CREBZF: variants seen among roughly 807,000 people sequenced by gnomAD.
CREBZF encodes CREB/ATF bZIP transcription factor, also known as HCF-binding transcription factor Zhangfei.
CREBZF carries 8 observed loss-of-function variants against 21.1 expected under a neutral mutation model. That is an observed-to-expected ratio of 0.38 (90% CI 0.22 to 0.68). CREBZF has a LOEUF of 0.68. CREBZF is among the 30% of genes least tolerant of loss of function. CREBZF has a pLI of 0.51. For missense variants in CREBZF, 518 were observed against 484.3 expected, an observed-to-expected ratio of 1.07 and a Z score of -0.65; for synonymous variants, 270 against 223.3, an observed-to-expected ratio of 1.21 and a Z score of -1.86.
chr11:85,671,109 T>TGGGGAGGCTTCACAATCATGG (rs1456140826), intron 1 of CREBZF, among the ~76,000 whole-genome samples: 1 of 152,146 alleles, frequency 6.6e-6, no homozygotes, highest in Non-Finnish European at 1.5e-5. Context: ...TCCACATGGC[T>TGGGGAGGCTTCACAATCATGG]GGGGAGGCTT....
At chr11:85,671,331 C>T (rs1010244867) in intron 1 of CREBZF, among the ~76,000 whole-genome samples, 1 of 152,232 alleles carries the variant, frequency 6.6e-6, no homozygotes, top group African/African-American at 2.4e-5. Context: ...ATGGGAGCTA[C>T]AGTTCAAGAT....
Position 85,664,403 on chromosome 11 carries a change from C to T in CREBZF, c.473G>A (p.Arg158His). Residue 158 changes from arginine to histidine, a missense_variant, in exon 1 of 1, where the codon CGC becomes CAC. Arg to His is a conservative substitution (Grantham distance 29). Coordinates refer to ENST00000527447, the MANE Select transcript of CREBZF (RefSeq NM_001039618.4). This position sits in a 1 kb window ranked among gnomAD's most constrained non-coding sequence, Gnocchi z 5.5. Reference protein sequence around the residue: ...DDEAAAAEMQRFSDLLQRLLN... With the variant: ...DDEAAAAEMQHFSDLLQRLLN... ...CAGCCTTTGCAGCAGGTCAGAGAAG[C>T]GCTGCATTTCAGCAGCCGCGGCCTC... The T allele has an allele frequency of 1.2e-6, 2 of 1,613,796 alleles. No individual in the cohort carries two copies. The highest frequency in any genetic ancestry group is 1.7e-6 in the Non-Finnish European group (2 of 1,180,020).
At chr11:85,669,001 CAAAAAAAAAAAAAAAAAAAAAAAAA>C (rs61718728), upstream of CREBZF, among the ~76,000 whole-genome samples, 6 of 33,216 alleles carry the variant, frequency 1.8e-4, no homozygotes, top group Middle Eastern at 0.077. Flanking sequence ...GACTCCGTCT[CAAAAAAAAAAAAAAAAAAAAAAAAA>C]AAAAAAAAAA....
chr11:85,669,583 G>C (rs1179190709), upstream of CREBZF, among the ~76,000 whole-genome samples: 1 of 152,126 alleles, frequency 6.6e-6, no homozygotes, highest in Non-Finnish European at 1.5e-5. Flanking sequence ...GCTATACAGA[G>C]ATTTGTTAAA....
At chr11:85,667,434 A>T (rs1276172747), upstream of CREBZF, among the ~76,000 whole-genome samples, 1 of 152,232 alleles carries the variant, frequency 6.6e-6, no homozygotes, top group Non-Finnish European at 1.5e-5. Context: ...ATTGACATCT[A>T]ATGCGAATAG....
chr11:85,679,240 C>G (rs763148294), intron 1 of CREBZF, among the ~76,000 whole-genome samples: 1 of 152,176 alleles, frequency 6.6e-6, no homozygotes, highest in Non-Finnish European at 1.5e-5. Context: ...CCAGGAAAAG[C>G]GTCCTCTAAT....
chr11:85,663,550 C>T lies in CREBZF; in HGVS notation c.*261G>A. ...AGGTTGTGAGGCGGGAACGACTGTT[C>T]TGTAACCCCTACAACGGAGCCTGGC... On this transcript the variant is annotated 3_prime_UTR_variant, in exon 1 of 1. Coordinates refer to ENST00000527447, the MANE Select transcript of CREBZF (RefSeq NM_001039618.4). 7.2e-7 allele frequency: 1 copy of T among 1,388,724 alleles called. No homozygotes were observed. Among genetic ancestry groups the T allele is most frequent in the Non-Finnish European group, 1.0e-6 (1 of 999,352 alleles). The allele number at this position is 1,388,724 out of a possible 1,614,324, so 86.0% of individuals were successfully genotyped here. A position where few individuals can be genotyped will look rare whatever the true frequency, so the allele number is the denominator to read the frequency against.
Position 85,659,658 on chromosome 11 carries a change from A to C in CREBZF, c.*4153T>G, listed in dbSNP as rs2082619134. 1 of 152,126 alleles carries C rather than the reference A, an allele frequency of 6.6e-6. No homozygotes were observed. Among genetic ancestry groups the C allele is most frequent in the Admixed American group, 6.5e-5 (1 of 15,272 alleles). 9.4% of individuals were successfully genotyped at this position (152,126 alleles called of 1,614,324 possible). A position where few individuals can be genotyped will look rare whatever the true frequency, so the allele number is the denominator to read the frequency against. On this transcript the variant is annotated 3_prime_UTR_variant, in exon 1 of 1. Transcript: ENST00000527447. The stretch of plus-strand genomic sequence containing the variant: ...AAAATGACTCAATCTAAACCACGTG[A>C]AGGAATGTATTAACATAATCCAACA...
At chr11:85,679,394 G>A (rs2082961782) in intron 1 of CREBZF, among the ~76,000 whole-genome samples, 1 of 152,176 alleles carries the variant, frequency 6.6e-6, no homozygotes, top group African/African-American at 2.4e-5. Context: ...TTAGCATAGT[G>A]TCTTGGCTAA....
At chr11:85,682,708 G>C (rs2082985090) in intron 1 of CREBZF, 1 of 679,556 alleles carries the variant, frequency 1.5e-6, no homozygotes, top group African/African-American at 1.8e-5. Context: ...GGAATTCCGG[G>C]ATTCATACCC....
rs1013041946 is a variant in CREBZF, at chr11:85,661,872, C to G, written c.*1939G>C. Reference sequence around the variant, plus strand: ...GTATTAGTTAAATTTCAATTCAAGGCTTCTGTTTCAAAAAAGCTACATTTA... The same window carrying G: ...GTATTAGTTAAATTTCAATTCAAGGGTTCTGTTTCAAAAAAGCTACATTTA... On this transcript the variant is annotated 3_prime_UTR_variant, in exon 1 of 1. Transcript: ENST00000527447. 1 of 151,750 alleles carries G rather than the reference C, an allele frequency of 6.6e-6. No individual in the cohort carries two copies. The highest frequency in any genetic ancestry group is 1.5e-5 in the Non-Finnish European group (1 of 67,850). 9.4% of individuals were successfully genotyped at this position (151,750 alleles called of 1,614,324 possible).
rs58550468 is a variant in CREBZF at position 85,661,960 on chromosome 11, T to TTATATATATA, written c.*1841_*1850dup. On this transcript the variant is annotated 3_prime_UTR_variant, in exon 1 of 1. Coordinates refer to ENST00000527447, the MANE Select transcript of CREBZF (RefSeq NM_001039618.4). ...AATAATCTTTCCAACTACTTTTGGT[T>TTATATATATA]TATATATATATATATATATGTATAT... The TTATATATATA allele has an allele frequency of 1.4e-5, 2 of 145,776 alleles. No individual in the cohort carries two copies. Among genetic ancestry groups the TTATATATATA allele is most frequent in the Non-Finnish European group, 3.0e-5 (2 of 66,212 alleles). The allele number at this position is 145,776 out of a possible 1,614,324, so 9.0% of individuals were successfully genotyped here.
At chr11:85,681,974 G>C (rs2082978885) in intron 1 of CREBZF, among the ~76,000 whole-genome samples, 1 of 152,192 alleles carries the variant, frequency 6.6e-6, no homozygotes, top group South Asian at 2.1e-4. Flanking sequence ...TGTATACTGG[G>C]AGAAAGCACG....
intron 1 of CREBZF, among the ~76,000 whole-genome samples, chr11:85,671,794 C>G (rs1417239262): frequency 6.6e-6 from 1 of 152,218 alleles, no homozygotes; most frequent in Non-Finnish European, 1.5e-5. Context: ...TCCAGGCCCC[C>G]TCCTGGCAGC....
rs572663125 is a variant in CREBZF at position 85,660,582 on chromosome 11, T to G, written c.*3229A>C. ...CAGGTTGTAGGAAAAGATTCGTTTT[T>G]GCAGACACTGCTAAGCTGTTCAAAG... is the stretch of plus-strand genomic sequence containing the variant. On this transcript the variant is annotated 3_prime_UTR_variant, in exon 1 of 1. Coordinates refer to ENST00000527447, the MANE Select transcript of CREBZF (RefSeq NM_001039618.4). The G allele has an allele frequency of 2.4e-5, 11 of 455,264 alleles. No homozygotes were observed. Among genetic ancestry groups the G allele is most frequent in the South Asian group, 1.6e-4 (10 of 64,376 alleles). The allele number at this position is 455,264 out of a possible 1,614,324, so 28.2% of individuals were successfully genotyped here.
intron 1 of CREBZF, among the ~76,000 whole-genome samples, chr11:85,678,792 T>C (rs967359418): frequency 2.6e-5 from 4 of 152,234 alleles, no homozygotes; most frequent in African/African-American, 9.6e-5. Flanking sequence ...CACTAAGACC[T>C]AATTTAAGGT....
At chr11:85,681,921 G>A (rs2082978422) in intron 1 of CREBZF, among the ~76,000 whole-genome samples, 1 of 152,144 alleles carries the variant, frequency 6.6e-6, no homozygotes. Flanking sequence ...GGAGCACAGA[G>A]GAAGAAAACA....
chr11:85,663,806 T>A lies in CREBZF; in HGVS notation c.*5A>T. ...AAACGCGGATAAAGAGCAGATTACT[T>A]GACCCTACATTTTAAGAGAAGACGA... is the stretch of plus-strand genomic sequence containing the variant. On this transcript the variant is annotated 3_prime_UTR_variant, in exon 1 of 1. Coordinates refer to ENST00000527447, the MANE Select transcript of CREBZF (RefSeq NM_001039618.4). 1 of 1,593,258 alleles carries A rather than the reference T, an allele frequency of 6.3e-7. No homozygotes were observed.
intron 1 of CREBZF, among the ~76,000 whole-genome samples, chr11:85,676,428 T>C (rs1203661079): frequency 6.6e-6 from 1 of 152,164 alleles, no homozygotes; most frequent in African/African-American, 2.4e-5. Flanking sequence ...TTTTAATTTC[T>C]TAAATACTGA....
Sources: allele counts gnomAD v4.1 joint callset (sites outside exome capture counted in the v4.1 genomes callset), GRCh38; gene constraint gnomAD v4.1.1; non-coding constraint Gnocchi (gnomAD v3.1); transcripts MANE v1.5; gene names NCBI Gene and HGNC (gene_info 2026-07-23, HGNC 2026-07-21).